The following FXYD5 variants were observed in gnomAD, a reference collection of about 807,000 sequenced individuals.
FXYD5 encodes FXYD domain containing ion transport regulator 5.
A neutral mutation model predicts 25.7 loss-of-function variants in FXYD5; 21 were observed. The observed-to-expected ratio is 0.82, with a 90% CI of 0.58 to 1.18. The LOEUF (loss-of-function observed/expected upper bound fraction) is 1.18, where lower values mean the gene tolerates loss of function less well. FXYD5 is among the 50% of genes most tolerant of loss of function. The pLI is 0.00. For missense variants in FXYD5, 229 were observed against 227.7 expected, an observed-to-expected ratio of 1.01 and a Z score of -0.04; for synonymous variants, 101 against 90.7, an observed-to-expected ratio of 1.11 and a Z score of -0.64.
chr19:35,161,250 A>ACACACACACACACACACACACACACG (rs2065403406), intron 5 of FXYD5, among the ~76,000 whole-genome samples: 1 of 151,336 alleles, frequency 6.6e-6, no homozygotes, highest in Non-Finnish European at 1.5e-5. Context: ...ACACACACAA[A>ACACACACACACACACACACACACACG]AGAATGATTG....
At chr19:35,164,831 C>T (rs1428387675) in intron 6 of FXYD5, among the ~76,000 whole-genome samples, 2 of 152,172 alleles carry the variant, frequency 1.3e-5, no homozygotes, top group Non-Finnish European at 2.9e-5. Flanking sequence ...CATGGAACTA[C>T]TATTCTAGTG....
intron 2 of FXYD5, among the ~76,000 whole-genome samples, chr19:35,156,185 C>T (rs534606234): frequency 2.4e-4 from 36 of 152,296 alleles, no homozygotes; most frequent in East Asian, 1.5e-3. Flanking sequence ...TGAGGCTCAG[C>T]GAAGGGAAGT....
At chr19:35,167,382 A>C (rs1409294144) in intron 8 of FXYD5, among the ~76,000 whole-genome samples, 1 of 152,080 alleles carries the variant, frequency 6.6e-6, no homozygotes, top group Non-Finnish European at 1.5e-5. Context: ...GGTTCCAGCC[A>C]CTGCCTCACT....
intron 4 of FXYD5, among the ~76,000 whole-genome samples, chr19:35,160,397 C>T (rs1159524306): frequency 6.6e-6 from 1 of 151,984 alleles, no homozygotes; most frequent in African/African-American, 2.4e-5. Flanking sequence ...TTGCCCAGGT[C>T]GCTGTGCAAT....
chr19:35,164,112 C>T (rs1391186926), intron 5 of FXYD5, 44 bp from the exon 6 acceptor site: 2 of 1,613,936 alleles, frequency 1.2e-6, no homozygotes. Context: ...GTTTCTGCCT[C>T]CATGGCTCAC....
chr19:35,157,223 G>A (rs952367803), intron 2 of FXYD5, among the ~76,000 whole-genome samples, 198 bp from the exon 3 acceptor site: 4 of 152,158 alleles, frequency 2.6e-5, no homozygotes, highest in East Asian at 1.9e-4. Context: ...AGGGATGGGC[G>A]GGGAGGGGGA....
At chr19:35,169,119 G>A (rs2065476105) in intron 8 of FXYD5, among the ~76,000 whole-genome samples, 1 of 151,498 alleles carries the variant, frequency 6.6e-6, no homozygotes, top group Non-Finnish European at 1.5e-5. Flanking sequence ...ATCCCTGTGA[G>A]GATGAGCCCA....
At chr19:35,164,688 G>A (rs1225617167) in intron 6 of FXYD5, among the ~76,000 whole-genome samples, 2 of 152,134 alleles carry the variant, frequency 1.3e-5, no homozygotes, top group Non-Finnish European at 2.9e-5. Context: ...GAATGGAAAT[G>A]ATACGCCCAT....
chr19:35,166,613 G>A (rs2065453500), intron 8 of FXYD5: 2 of 445,240 alleles, frequency 4.5e-6, no homozygotes, highest in Non-Finnish European at 7.8e-6. Flanking sequence ...AGGAAACTTT[G>A]TTTCTGGGGT....
intron 8 of FXYD5, chr19:35,166,842 G>C (rs574449504): frequency 6.4e-6 from 1 of 156,148 alleles, no homozygotes; most frequent in East Asian, 1.9e-4. Flanking sequence ...AAAGTCACAT[G>C]GCAAAGGACA....
At chr19:35,155,495 C>G in intron 1 of FXYD5, 56 bp from the exon 2 acceptor site, 13 of 1,415,242 alleles carry the variant, frequency 9.2e-6, no homozygotes, top group African/African-American at 1.4e-5. Flanking sequence ...CCGGGGGCTG[C>G]CGGAGGTCGG....
intron 1 of FXYD5, 199 bp from the exon 2 acceptor site, chr19:35,155,352 A>C: frequency 1.7e-6 from 1 of 591,912 alleles, no homozygotes; most frequent in Non-Finnish European, 3.0e-6. Context: ...CTGCAGGGGA[A>C]GGAAGCAGGG....
chr19:35,167,575 G>A (rs768354153), intron 8 of FXYD5, among the ~76,000 whole-genome samples: 1 of 152,208 alleles, frequency 6.6e-6, no homozygotes, highest in Non-Finnish European at 1.5e-5. Flanking sequence ...TTTTAAAAAG[G>A]TTTTTAAAAT....
intron 2 of FXYD5, among the ~76,000 whole-genome samples, chr19:35,156,161 A>C (rs1312469474): frequency 6.6e-6 from 1 of 152,164 alleles, no homozygotes; most frequent in Non-Finnish European, 1.5e-5. Context: ...TGCCCATTTT[A>C]CTGATGAGGA....
chr19:35,163,723 C>A (rs887816285), intron 5 of FXYD5, among the ~76,000 whole-genome samples: 3 of 152,112 alleles, frequency 2.0e-5, no homozygotes, highest in African/African-American at 7.2e-5. Flanking sequence ...TTCAGGTGAT[C>A]TGCCCGCCTC....
At chr19:35,168,651 T>C (rs1386855951) in intron 8 of FXYD5, among the ~76,000 whole-genome samples, 3 of 152,180 alleles carry the variant, frequency 2.0e-5, no homozygotes, top group Non-Finnish European at 4.4e-5. Context: ...CAGCCACAGA[T>C]GAGTCTCTGG....
At chr19:35,160,938 G>C in intron 5 of FXYD5, 137 bp downstream of exon 5, 1 of 600,202 alleles carries the variant, frequency 1.7e-6, no homozygotes, top group South Asian at 1.9e-5. Context: ...TTTTTGGTTT[G>C]TGGTCAAAGT....
intron 4 of FXYD5, chr19:35,159,605 T>C (rs1469595778): frequency 2.3e-5 from 35 of 1,550,564 alleles, no homozygotes; most frequent in Admixed American, 1.4e-4. Flanking sequence ...AGCACCACAA[T>C]GAGCAACTTT....
At chr19:35,167,973 C>T (rs1179002795) in intron 8 of FXYD5, among the ~76,000 whole-genome samples, 5 of 151,970 alleles carry the variant, frequency 3.3e-5, no homozygotes, top group African/African-American at 1.2e-4. Context: ...AATCCCAGTA[C>T]TTTGGGAGGC....
Sources: allele counts gnomAD v4.1 joint callset (sites outside exome capture counted in the v4.1 genomes callset), GRCh38; gene constraint gnomAD v4.1.1; transcripts MANE v1.5; gene names NCBI Gene and HGNC (gene_info 2026-07-23, HGNC 2026-07-21).